NIBAN1: variants seen among roughly 807,000 people sequenced by gnomAD.
The protein encoded by NIBAN1 is niban apoptosis regulator 1.
A neutral mutation model predicts 75.1 loss-of-function variants in NIBAN1; 81 were observed. The ratio of observed to expected loss-of-function variants is 1.08; its 90% CI spans 0.90 to 1.30. The LOEUF (loss-of-function observed/expected upper bound fraction) is 1.30, where lower values mean the gene tolerates loss of function less well. NIBAN1 is among the 50% of genes most tolerant of loss of function. The probability of loss-of-function intolerance (pLI) is 0.00; values close to 1 mark genes in which losing one functional copy is unlikely to be tolerated. For synonymous variants in NIBAN1, 436 were observed against 424.8 expected (o/e 1.03, Z -0.32); for missense variants, 1,133 against 1,128.1 (o/e 1.00, Z -0.06).
chr1:184,959,061 G>T (rs775225519), intron 1 of NIBAN1, among the ~76,000 whole-genome samples: 13 of 152,206 alleles, frequency 8.5e-5, no homozygotes, highest in Non-Finnish European at 1.3e-4. Flanking sequence ...ATTGTCACTT[G>T]TTCTGTGTGC....
At chr1:184,965,502 G>A (rs1301509276) in intron 1 of NIBAN1, among the ~76,000 whole-genome samples, 1 of 152,174 alleles carries the variant, frequency 6.6e-6, no homozygotes, top group Non-Finnish European at 1.5e-5. Context: ...GAACATGGAT[G>A]GAGCTGGAGG....
chr1:184,970,398 T>C (rs888299136), intron 1 of NIBAN1, among the ~76,000 whole-genome samples: 2 of 152,178 alleles, frequency 1.3e-5, no homozygotes, highest in Admixed American at 1.3e-4. Flanking sequence ...TGTGGACTAG[T>C]ACGACACATC....
chr1:184,961,098 T>C (rs1215957756), intron 1 of NIBAN1, among the ~76,000 whole-genome samples: 2 of 130,504 alleles, frequency 1.5e-5, no homozygotes, highest in Non-Finnish European at 1.6e-5. Context: ...AGACGGAGTC[T>C]TGCTCTGTCG....
At chr1:184,814,925 C>T (rs1654485473) in intron 9 of NIBAN1, among the ~76,000 whole-genome samples, 1 of 152,144 alleles carries the variant, frequency 6.6e-6, no homozygotes, top group Admixed American at 6.5e-5. Flanking sequence ...CTTCCTGAAT[C>T]CTTAAGCTTT....
chr1:184,901,556 CA>C (rs1656955799), intron 1 of NIBAN1, among the ~76,000 whole-genome samples: 1 of 152,120 alleles, frequency 6.6e-6, no homozygotes, highest in Non-Finnish European at 1.5e-5. Flanking sequence ...AAATGATGAA[CA>C]AAATTTGCCC....
intron 9 of NIBAN1, among the ~76,000 whole-genome samples, chr1:184,810,487 C>A (rs140111838): frequency 0.013 from 1,950 of 152,330 alleles, 10 homozygotes; most frequent in Non-Finnish European, 0.019. Flanking sequence ...GGACTCCATA[C>A]TTCCATATTT....
chr1:184,924,998 G>GT (rs1557916781), intron 1 of NIBAN1, among the ~76,000 whole-genome samples: 1 of 151,620 alleles, frequency 6.6e-6, no homozygotes, highest in South Asian at 2.1e-4. Flanking sequence ...CTTTTGTATT[G>GT]TTTTTTCATT....
chr1:184,822,598 G>A (rs1654732595), intron 8 of NIBAN1, among the ~76,000 whole-genome samples: 1 of 152,184 alleles, frequency 6.6e-6, no homozygotes, highest in African/African-American at 2.4e-5. Flanking sequence ...AACAGAAGGT[G>A]AGTGACCTCC....
At chr1:184,801,331 A>AC (rs1377426737) in intron 12 of NIBAN1, among the ~76,000 whole-genome samples, 1 of 152,024 alleles carries the variant, frequency 6.6e-6, no homozygotes, top group Non-Finnish European at 1.5e-5. Flanking sequence ...AGCTTCAAAG[A>AC]CCCCTAGAGG....
chr1:184,807,315 C>T (rs1409318457), intron 10 of NIBAN1, among the ~76,000 whole-genome samples: 2 of 126,234 alleles, frequency 1.6e-5, no homozygotes, highest in Non-Finnish European at 3.2e-5. Context: ...GAAAAGGTTC[C>T]TTATGAAAAA....
intron 1 of NIBAN1, among the ~76,000 whole-genome samples, chr1:184,928,654 C>T (rs79262140): frequency 3.3e-5 from 5 of 152,250 alleles, no homozygotes; most frequent in South Asian, 4.2e-4. Flanking sequence ...TCTCCCTCCC[C>T]CAAGCATACA....
intron 7 of NIBAN1, 107 bp from the exon 8 acceptor site, chr1:184,823,436 T>C: frequency 7.2e-7 from 1 of 1,398,436 alleles, no homozygotes; most frequent in East Asian, 2.3e-5. Flanking sequence ...CAAACAGAAC[T>C]GCACACACAT....
chr1:184,889,140 C>T (rs908609424), intron 4 of NIBAN1, among the ~76,000 whole-genome samples: 1 of 152,222 alleles, frequency 6.6e-6, no homozygotes, highest in Non-Finnish European at 1.5e-5. Flanking sequence ...ACATTATCCA[C>T]ACTTCATGAA....
chr1:184,932,715 T>A (rs185818839), intron 1 of NIBAN1, among the ~76,000 whole-genome samples: 46 of 152,218 alleles, frequency 3.0e-4, no homozygotes, highest in African/African-American at 1.1e-3. Context: ...CTTATTTGAC[T>A]TAAATTTTGA....
At position 184,802,489 on chromosome 1, in the gene NIBAN1, C is replaced by A. The variant is rs368264355; in HGVS notation, c.1554+1096G>T. 1.9e-3 allele frequency among the ~76,000 whole-genome samples: 293 copies of A among 152,234 alleles called. 4 individuals are homozygous for A. Among genetic ancestry groups the A allele is most frequent in the South Asian group, 0.017 (83 of 4,824 alleles). On this transcript the variant is annotated intron_variant, in intron 12 of 13. Coordinates refer to ENST00000367511, the MANE Select transcript of NIBAN1 (RefSeq NM_052966.4). Reference sequence around the variant, plus strand: ...TGCTGAACTGTTCTGCCATGTAAGGCCAAAGGTCAATCCCTTGGCTTAATC... The same window carrying A: ...TGCTGAACTGTTCTGCCATGTAAGGACAAAGGTCAATCCCTTGGCTTAATC...
chr1:184,875,856 C>T (rs955409309), intron 5 of NIBAN1, among the ~76,000 whole-genome samples: 1 of 152,096 alleles, frequency 6.6e-6, no homozygotes, highest in Admixed American at 6.6e-5. Context: ...AATAATCTCC[C>T]CAGTCCAAAT....
intron 6 of NIBAN1, among the ~76,000 whole-genome samples, chr1:184,830,630 T>G (rs984658544): frequency 6.6e-6 from 1 of 152,124 alleles, no homozygotes; most frequent in African/African-American, 2.4e-5. Flanking sequence ...AAGGCACCAT[T>G]CAGCATCCTC....
At chr1:184,875,826 A>G (rs898596917) in intron 5 of NIBAN1, among the ~76,000 whole-genome samples, 1 of 152,242 alleles carries the variant, frequency 6.6e-6, no homozygotes, top group Non-Finnish European at 1.5e-5. Flanking sequence ...AGAAATTAAC[A>G]TAATAGAAAA....
chr1:184,812,139 ACTTTC>A (rs1654399880), intron 9 of NIBAN1, among the ~76,000 whole-genome samples: 1 of 152,108 alleles, frequency 6.6e-6, no homozygotes, highest in Non-Finnish European at 1.5e-5. Flanking sequence ...CACAGGCAAT[ACTTTC>A]CTTCATCTTA....
Sources: allele counts gnomAD v4.1 joint callset (sites outside exome capture counted in the v4.1 genomes callset), GRCh38; gene constraint gnomAD v4.1.1; transcripts MANE v1.5; gene names NCBI Gene and HGNC (gene_info 2026-07-23, HGNC 2026-07-21).